The following CACNA1B variants were observed in gnomAD, a reference collection of about 807,000 sequenced individuals.
CACNA1B encodes calcium voltage-gated channel subunit alpha1 B, also known as voltage-dependent N-type calcium channel subunit alpha-1B.
A neutral mutation model predicts 247.2 loss-of-function variants in CACNA1B; 70 were observed. That is an observed-to-expected ratio of 0.28 (90% confidence interval 0.23 to 0.35). The LOEUF (loss-of-function observed/expected upper bound fraction) is 0.35, where lower values mean the gene tolerates loss of function less well. Among genes scored for constraint, CACNA1B ranks in the 10% least tolerant of loss-of-function variants. CACNA1B has a pLI of 1.00. For missense variants in CACNA1B, 2,367 were observed against 3,197.4 expected (o/e 0.74, Z 6.26); for synonymous variants, 1,231 against 1,294.4 (o/e 0.95, Z 1.05).
chr9:137,905,910 G>A (rs1957294008), intron 3 of CACNA1B, among the ~76,000 whole-genome samples: 1 of 152,208 alleles, frequency 6.6e-6, no homozygotes, highest in Admixed American at 6.5e-5. Flanking sequence ...ACCTGCCCTT[G>A]TGCCCTCTGG....
chr9:138,095,489 G>C (rs1444608047), intron 36 of CACNA1B, among the ~76,000 whole-genome samples: 1 of 152,188 alleles, frequency 6.6e-6, no homozygotes, highest in African/African-American at 2.4e-5. Context: ...AGGATGTGGA[G>C]AAGGAGGAAC....
At chr9:138,004,549 C>CA (rs762250306) in intron 15 of CACNA1B, among the ~76,000 whole-genome samples, 6,376 of 62,164 alleles carry the variant, frequency 0.1, 440 homozygotes, top group East Asian at 0.28. Flanking sequence ...GACCCTGTCT[C>CA]AAAAAAAAAA....
At chr9:137,883,046 G>GT in intron 3 of CACNA1B, 163 bp downstream of exon 3, 1 of 724,640 alleles carries the variant, frequency 1.4e-6, no homozygotes, top group Non-Finnish European at 2.3e-6. Flanking sequence ...TTGCCACCCT[G>GT]TGTGCTATGG....
chr9:138,103,969 AGGCTG>A (rs1371158275), intron 38 of CACNA1B, among the ~76,000 whole-genome samples: 1 of 152,132 alleles, frequency 6.6e-6, no homozygotes, highest in African/African-American at 2.4e-5. Flanking sequence ...TCTGCATGCA[AGGCTG>A]TAGCTTTGTC....
In CACNA1B at chr9:137,990,447, T is replaced by G. The variant is rs529277580; in HGVS notation, c.1974+3593T>G. ...CCCACCCCCTGAGAAACCTGAATAC[T>G]TAATTAGGCTACCTTAGGGCAAGTT... is the stretch of plus-strand genomic sequence containing the variant. On this transcript the variant is annotated intron_variant, in intron 15 of 46. Transcript: ENST00000371372. This position sits in a 1 kb window ranked among gnomAD's most constrained non-coding sequence, Gnocchi z 4.5. Among the ~76,000 whole-genome samples, 1 of 152,234 alleles carries G rather than the reference T, an allele frequency of 6.6e-6. No individual in the cohort carries two copies. Among genetic ancestry groups the G allele is most frequent in the African/African-American group, 2.4e-5 (1 of 41,536 alleles).
chr9:138,001,845 C>A (rs1408565193), intron 15 of CACNA1B, among the ~76,000 whole-genome samples: 1 of 152,146 alleles, frequency 6.6e-6, no homozygotes, highest in Non-Finnish European at 1.5e-5. Context: ...AGAAATAAAT[C>A]TAACTAAAAT....
chr9:137,893,606 G>C (rs529553847), intron 3 of CACNA1B, among the ~76,000 whole-genome samples: 2 of 150,904 alleles, frequency 1.3e-5, no homozygotes, highest in Non-Finnish European at 2.9e-5. Context: ...AGCTGAGATC[G>C]CGCCATTGCA....
chr9:138,113,424 A>G lies in CACNA1B; in HGVS notation c.5536+919A>G, dbSNP rs1477826123. On this transcript the variant is annotated intron_variant, in intron 40 of 46. Transcript: ENST00000371372. The stretch of plus-strand genomic sequence containing the variant: ...TCTTATGGGATACGTGAGGGAACAC[A>G]ATGAGGTGCCCAACTCCATCTTGTG... Among the ~76,000 whole-genome samples the G allele has an allele frequency of 3.7e-5, 5 of 136,824 alleles. No homozygotes were observed. In the Admixed American group the frequency reaches 3.7e-4, roughly 10 times the overall value. The allele number at this position is 136,824 out of a possible 152,430, so 89.8% of individuals were successfully genotyped here. A position where few individuals can be genotyped will look rare whatever the true frequency, so the allele number is the denominator to read the frequency against.
chr9:137,941,155 T>C lies in CACNA1B; in HGVS notation c.967-11119T>C, dbSNP rs1957728787. 3.9e-5 allele frequency among the ~76,000 whole-genome samples: 6 copies of C among 152,148 alleles called. No homozygotes were observed. The South Asian group carries it at 8.3e-4, about 21-fold the overall frequency. ...GTTTGTTTGCTGATGATATGATTGT[T>C]TACATAGAAAACCCTAAAAACTCCT... On this transcript the variant is annotated intron_variant, in intron 6 of 46. Coordinates refer to ENST00000371372, the MANE Select transcript of CACNA1B (RefSeq NM_000718.4).
At position 137,899,360 on chromosome 9, in the gene CACNA1B, T is replaced by C. The variant is rs181048488; in HGVS notation, c.531-13820T>C. Among the ~76,000 whole-genome samples, 159 of 152,228 alleles carry C rather than the reference T, an allele frequency of 1.0e-3. 2 individuals are homozygous for C. Among genetic ancestry groups the C allele is most frequent in the African/African-American group, 3.6e-3 (148 of 41,546 alleles). On this transcript the variant is annotated intron_variant, in intron 3 of 46. Transcript: ENST00000371372. The surrounding 1 kb of genome is among the most constrained non-coding windows in gnomAD (Gnocchi z 5.0). The stretch of plus-strand genomic sequence containing the variant: ...CACCTGTCTTGGCCTCCCAAAGCGC[T>C]GGGATTGGGATATGCTTTCTTAACC...
At chr9:138,106,690 G>C (rs919400111) in intron 39 of CACNA1B, among the ~76,000 whole-genome samples, 2 of 152,202 alleles carry the variant, frequency 1.3e-5, no homozygotes, top group African/African-American at 4.8e-5. Context: ...CTTGAACCTG[G>C]GAGGCGGAGG....
intron 36 of CACNA1B, among the ~76,000 whole-genome samples, chr9:138,083,949 C>A (rs1960610077): frequency 6.6e-6 from 1 of 150,894 alleles, no homozygotes; most frequent in Admixed American, 6.6e-5. Context: ...CCCAAGATGC[C>A]ACTAACCCCT....
At chr9:137,928,149 G>A (rs933223067) in intron 6 of CACNA1B, among the ~76,000 whole-genome samples, 1 of 152,162 alleles carries the variant, frequency 6.6e-6, no homozygotes, top group Non-Finnish European at 1.5e-5. Context: ...CCAGGCTGGT[G>A]TGCAGTGTTG....
chr9:138,081,288 G>A (rs1189045978), intron 36 of CACNA1B, among the ~76,000 whole-genome samples: 2 of 152,240 alleles, frequency 1.3e-5, no homozygotes, highest in Non-Finnish European at 2.9e-5. Context: ...CCTGTGCAGA[G>A]AAGAGGGTAT....
rs144640542 is a variant in CACNA1B at position 138,054,506 on chromosome 9, G to A, written c.3968+500G>A. On this transcript the variant is annotated intron_variant, in intron 26 of 46. Transcript: ENST00000371372. This position sits in a 1 kb window ranked among gnomAD's most constrained non-coding sequence, Gnocchi z 4.6. ...CTGGTTAGCTGCCTGTGTGGACCCCGGGCAAGGCAGTACCCACAGTGTCTT... is the reference window on the plus strand; with the variant it reads ...CTGGTTAGCTGCCTGTGTGGACCCCAGGCAAGGCAGTACCCACAGTGTCTT... Among the ~76,000 whole-genome samples, 19 of 152,340 alleles carry A rather than the reference G, an allele frequency of 1.2e-4. No homozygotes were observed. The highest frequency in any genetic ancestry group is 7.7e-4 in the East Asian group (4 of 5,182).
In CACNA1B at chr9:137,971,477, G is replaced by A. The variant is rs766995640; in HGVS notation, c.1428G>A (p.Arg476=). 8.7e-6 allele frequency: 14 copies of A among 1,613,638 alleles called. No individual in the cohort carries two copies. Among genetic ancestry groups the A allele is most frequent in the Non-Finnish European group, 1.2e-5 (14 of 1,179,722 alleles). ...AGAAGATGTTCCGGTTTTTTATCCG[G>A]CGCATGGTGAAGGCTCAGAGCTTCT... The part of the protein sequence containing the change: ...RKEKMFRFFI[R]RMVKAQSFYW... Residue 476 remains arginine, a synonymous_variant, in exon 11 of 47, where the codon CGG becomes CGA. Transcript: ENST00000371372. This position sits in a 1 kb window ranked among gnomAD's most constrained non-coding sequence, Gnocchi z 4.4.
chr9:137,977,620 CCAGAGCCTAGGGATATGGCA>C (rs1958235846), intron 12 of CACNA1B, among the ~76,000 whole-genome samples: 1 of 152,176 alleles, frequency 6.6e-6, no homozygotes, highest in South Asian at 2.1e-4. Flanking sequence ...GGACCTGAAC[CCAGAGCCTAGGGATATGGCA>C]CTGTCGGCAC....
chr9:138,074,153 G>A (rs1484255525), intron 34 of CACNA1B, 87 bp downstream of exon 34: 33 of 929,336 alleles, frequency 3.6e-5, no homozygotes, highest in East Asian at 1.2e-4. Flanking sequence ...TCAAATCATC[G>A]TCATAATCAG....
chr9:137,904,677 C>A (rs527858949), intron 3 of CACNA1B, among the ~76,000 whole-genome samples: 2 of 152,066 alleles, frequency 1.3e-5, no homozygotes, highest in South Asian at 2.1e-4. Context: ...CCGCCTCCCC[C>A]CTCCTCCTGC....
Sources: gnomAD v4.1 joint callset for allele counts (sites outside exome capture counted in the v4.1 genomes callset) on GRCh38, gnomAD v4.1.1 for gene constraint, Gnocchi (gnomAD v3.1) non-coding constraint, MANE v1.5 for transcripts, NCBI Gene and HGNC (gene_info 2026-07-23, HGNC 2026-07-21) for gene names.